PAX2: variants seen among roughly 807,000 people sequenced by gnomAD.
PAX2 encodes paired box protein Pax-2.
In PAX2, 9 loss-of-function variants were observed where a neutral mutation model predicts 41.7. The ratio of observed to expected loss-of-function variants is 0.22; its 90% CI spans 0.13 to 0.38. The LOEUF (loss-of-function observed/expected upper bound fraction) is 0.38. Ranked by LOEUF, PAX2 falls within the 10% of genes least tolerant of loss-of-function variation. The pLI is 1.00. For synonymous variants in PAX2, 221 were observed against 212.7 expected (o/e 1.04, Z -0.34); for missense variants, 418 against 531.6 (o/e 0.79, Z 2.10).
intron 5 of PAX2, among the ~76,000 whole-genome samples, chr10:100,788,360 C>T (rs1003867528): frequency 5.3e-5 from 8 of 152,302 alleles, no homozygotes; most frequent in African/African-American, 7.2e-5. Context: ...GCTCTCTTCC[C>T]GGCTCTCCTT....
chr10:100,822,770 T>A (rs1001619932), intron 7 of PAX2, among the ~76,000 whole-genome samples: 1 of 151,982 alleles, frequency 6.6e-6, no homozygotes, highest in Non-Finnish European at 1.5e-5. Flanking sequence ...GCATAGGGGG[T>A]TCACATCACA....
At chr10:100,788,785 G>C (rs1846980077) in intron 5 of PAX2, among the ~76,000 whole-genome samples, 1 of 152,104 alleles carries the variant, frequency 6.6e-6, no homozygotes. Context: ...GACTTGGCGA[G>C]GTTGCACCAT....
In PAX2 at chr10:100,748,002, C is replaced by A; in HGVS notation, c.43+1699C>A. On this transcript the variant is annotated intron_variant, in intron 1 of 9. Coordinates refer to ENST00000355243, the MANE Select transcript of PAX2 (RefSeq NM_000278.5). The surrounding 1 kb of genome is among the most constrained non-coding windows in gnomAD (Gnocchi z 5.0). Reference sequence around the variant, plus strand: ...GGAGGGAGAGAGCCGCAGCGCGGGCCCGCGGGCCGGTGGACTGGTGGGTGA... The same window carrying A: ...GGAGGGAGAGAGCCGCAGCGCGGGCACGCGGGCCGGTGGACTGGTGGGTGA... 1.0e-6 allele frequency: 1 copy of A among 984,372 alleles called. No homozygotes were observed. Among genetic ancestry groups the A allele is most frequent in the Non-Finnish European group, 1.2e-6 (1 of 829,764 alleles). The allele number at this position is 984,372 out of a possible 1,614,324, so 61.0% of individuals were successfully genotyped here. A position where few individuals can be genotyped will look rare whatever the true frequency, so the allele number is the denominator to read the frequency against.
rs17113472 is a variant in PAX2 at position 100,801,176 on chromosome 10, C to T, written c.617-5254C>T. 2.8e-3 allele frequency among the ~76,000 whole-genome samples: 424 copies of T among 152,234 alleles called. 11 individuals carry two copies. The East Asian group carries it at 0.047, about 17-fold the overall frequency. On this transcript the variant is annotated intron_variant, in intron 5 of 9. Transcript: ENST00000355243. ...TGTGCCAGGATCCCCAGCAAATGTC[C>T]CCTTGAGCCAGTCACTTGCCCTCGC...
chr10:100,821,824 C>T (rs1343729304), intron 7 of PAX2, among the ~76,000 whole-genome samples: 4 of 152,192 alleles, frequency 2.6e-5, no homozygotes, highest in Non-Finnish European at 5.9e-5. Context: ...GAGGCACACC[C>T]CTTTTCCTGC....
At chr10:100,746,383 C>A in intron 1 of PAX2, 80 bp downstream of exon 1, 1 of 1,007,348 alleles carries the variant, frequency 9.9e-7, no homozygotes, top group Non-Finnish European at 1.6e-6. Flanking sequence ...GGCCCCGGCC[C>A]CTCGCGCTCA....
chr10:100,823,289 G>T (rs992799015), intron 7 of PAX2, among the ~76,000 whole-genome samples: 17 of 152,178 alleles, frequency 1.1e-4, no homozygotes, highest in Non-Finnish European at 4.4e-5. Flanking sequence ...GGACAGCCAA[G>T]GAAAATGTTC....
chr10:100,794,941 C>A (rs1490214610), intron 5 of PAX2, among the ~76,000 whole-genome samples: 1 of 152,144 alleles, frequency 6.6e-6, no homozygotes, highest in Non-Finnish European at 1.5e-5. Context: ...CTTAATTCTA[C>A]CCGATTAAGG....
rs978621622 is a variant in PAX2 at position 100,826,039 on chromosome 10, G to T, written c.1022-970G>T. 1.4e-4 allele frequency among the ~76,000 whole-genome samples: 22 copies of T among 152,100 alleles called. No homozygotes were observed. Among genetic ancestry groups the T allele is most frequent in the Admixed American group, 5.2e-4 (8 of 15,280 alleles). ...AGCTCGTGGTGTCGAGGGGGGAGTCGTTAAACAGAATCTAGTGCTGATGAG... is the reference window on the plus strand; with the variant it reads ...AGCTCGTGGTGTCGAGGGGGGAGTCTTTAAACAGAATCTAGTGCTGATGAG... On this transcript the variant is annotated intron_variant, in intron 8 of 9. Coordinates refer to ENST00000355243, the MANE Select transcript of PAX2 (RefSeq NM_000278.5). The surrounding 1 kb of genome is among the most constrained non-coding windows in gnomAD (Gnocchi z 5.5).
chr10:100,761,751 C>T (rs963858608), intron 3 of PAX2, among the ~76,000 whole-genome samples: 4 of 152,150 alleles, frequency 2.6e-5, no homozygotes, highest in Non-Finnish European at 5.9e-5. Flanking sequence ...GGTCTCCAGG[C>T]CTGTCAGGTC....
At chr10:100,803,067 C>G (rs1847623214) in intron 5 of PAX2, among the ~76,000 whole-genome samples, 1 of 152,122 alleles carries the variant, frequency 6.6e-6, no homozygotes, top group Non-Finnish European at 1.5e-5. Context: ...TTCCTTCTTT[C>G]CTTTTTGACT....
intron 3 of PAX2, among the ~76,000 whole-genome samples, chr10:100,758,361 C>G (rs182379271): frequency 1.3e-5 from 2 of 151,982 alleles, no homozygotes; most frequent in Non-Finnish European, 2.9e-5. Context: ...GGGATGGTCT[C>G]GATCTCCTGA....
Position 100,748,177 on chromosome 10 carries a change from G to A in PAX2, c.44-1569G>A. On this transcript the variant is annotated intron_variant, in intron 1 of 9. Coordinates refer to ENST00000355243, the MANE Select transcript of PAX2 (RefSeq NM_000278.5). This position sits in a 1 kb window ranked among gnomAD's most constrained non-coding sequence, Gnocchi z 5.0. ...CTGGGGCTGAGGGGCCGGGCCCTGA[G>A]CCCGGGGAGGCTGAATTATTCATCT... 1.0e-6 allele frequency: 1 copy of A among 985,214 alleles called. No individual in the cohort carries two copies. The highest frequency in any genetic ancestry group is 1.2e-6 in the Non-Finnish European group (1 of 829,886). 61.0% of individuals were successfully genotyped at this position (985,214 alleles called of 1,614,324 possible). A position where few individuals can be genotyped will look rare whatever the true frequency, so the allele number is the denominator to read the frequency against.
At chr10:100,808,756 C>T (rs1207713660) in intron 6 of PAX2, among the ~76,000 whole-genome samples, 1 of 152,162 alleles carries the variant, frequency 6.6e-6, no homozygotes, top group Non-Finnish European at 1.5e-5. Flanking sequence ...TGTCATGGTT[C>T]CCCCTCCTCC....
chr10:100,806,720 G>C, intron 6 of PAX2, 115 bp downstream of exon 6: 1 of 874,222 alleles, frequency 1.1e-6, no homozygotes, highest in Non-Finnish European at 1.9e-6. Context: ...TGTTACACAC[G>C]TGTGTTCTGT....
At chr10:100,804,941 A>C (rs1847705398) in intron 5 of PAX2, among the ~76,000 whole-genome samples, 1 of 142,434 alleles carries the variant, frequency 7.0e-6, no homozygotes, top group African/African-American at 2.7e-5. Context: ...CCTGGTCTTG[A>C]TCTCTGTCTC....
chr10:100,754,236 T>A (rs1055914868), intron 3 of PAX2, among the ~76,000 whole-genome samples: 2 of 152,200 alleles, frequency 1.3e-5, no homozygotes, highest in Admixed American at 1.3e-4. Flanking sequence ...AATCTTCTGG[T>A]TTGGCTGTTA....
At position 100,827,155 on chromosome 10, in the gene PAX2, TC is replaced by T. The variant is rs1848601991; in HGVS notation, c.1108+63del. 7.2e-7 allele frequency: 1 copy of T among 1,387,942 alleles called. No homozygotes were observed. The highest frequency in any genetic ancestry group is 1.0e-6 in the Non-Finnish European group (1 of 978,316). The allele number at this position is 1,387,942 out of a possible 1,614,324, so 86.0% of individuals were successfully genotyped here. ...GCGGCCGCGCGGCTTCTGGGCACGG[TC>T]CCACTCCCGGCGACCCGACCTCTGG... On this transcript the variant is annotated intron_variant, in intron 9 of 9. Coordinates refer to ENST00000355243, the MANE Select transcript of PAX2 (RefSeq NM_000278.5). The surrounding 1 kb of genome is among the most constrained non-coding windows in gnomAD (Gnocchi z 8.5).
intron 1 of PAX2, among the ~76,000 whole-genome samples, chr10:100,739,429 G>A (rs188808755): frequency 1.3e-5 from 2 of 152,352 alleles, no homozygotes; most frequent in Admixed American, 6.5e-5. Flanking sequence ...GCTGGGAGAG[G>A]AGGAAGGAAA....
Sources: gnomAD v4.1 joint callset for allele counts (sites outside exome capture counted in the v4.1 genomes callset) on GRCh38, gnomAD v4.1.1 for gene constraint, Gnocchi (gnomAD v3.1) non-coding constraint, MANE v1.5 for transcripts, NCBI Gene and HGNC (gene_info 2026-07-23, HGNC 2026-07-21) for gene names.